HPD: variants seen among roughly 807,000 people sequenced by gnomAD.
HPD encodes the protein 4-hydroxyphenylpyruvate dioxygenase.
In HPD, 35 loss-of-function variants were observed where a neutral mutation model predicts 56.9. That is an observed-to-expected ratio of 0.62 (90% confidence interval 0.47 to 0.82). The LOEUF is 0.82. Ranked by LOEUF, HPD falls within the 40% of genes least tolerant of loss-of-function variation. The pLI is 0.00. For synonymous variants in HPD, 186 were observed against 200.2 expected (o/e 0.93, Z 0.60); for missense variants, 442 against 506.8 (o/e 0.87, Z 1.23).
the HPD span, among the ~76,000 whole-genome samples, chr12:121,877,417 G>A: frequency 2.6e-5 from 4 of 152,030 alleles, no homozygotes; most frequent in Admixed American, 6.6e-5. Context: ...AAACCTAAAT[G>A]TGCCAGGAGA....
the HPD span, among the ~76,000 whole-genome samples, chr12:121,875,369 G>A: frequency 2.6e-5 from 4 of 151,836 alleles, no homozygotes; most frequent in African/African-American, 9.7e-5. Flanking sequence ...ATTCTGTGGT[G>A]TAGATACTCT....
upstream of HPD, among the ~76,000 whole-genome samples, chr12:121,862,927 G>A (rs1364740852): frequency 6.7e-6 from 1 of 148,682 alleles, no homozygotes; most frequent in South Asian, 2.1e-4. Flanking sequence ...TGATTCGCTC[G>A]CCTTGGCCTC....
At chr12:121,858,957 C>T (rs560386434), upstream of HPD, 7 of 1,023,726 alleles carry the variant, frequency 6.8e-6, no homozygotes, top group South Asian at 9.2e-5. Flanking sequence ...GAGCCCAGCC[C>T]TGGAAGGTTC....
the HPD span, among the ~76,000 whole-genome samples, chr12:121,885,555 A>G: frequency 1.3e-5 from 2 of 152,006 alleles, no homozygotes; most frequent in Non-Finnish European, 2.9e-5. Context: ...CTTAACCCTA[A>G]ATACTACAGG....
At chr12:121,878,268 T>C in the HPD span, among the ~76,000 whole-genome samples, 4 of 152,210 alleles carry the variant, frequency 2.6e-5, no homozygotes, top group Non-Finnish European at 5.9e-5. Flanking sequence ...TGAGTATACA[T>C]GGAGAAGTGC....
the HPD span, chr12:121,874,441 A>AC: frequency 6.6e-6 from 1 of 151,842 alleles, no homozygotes; most frequent in Non-Finnish European, 1.5e-5. Context: ...ACATGGTGAA[A>AC]CCCCCATCTC....
At chr12:121,875,351 T>C in the HPD span, among the ~76,000 whole-genome samples, 17 of 152,186 alleles carry the variant, frequency 1.1e-4, no homozygotes, top group Non-Finnish European at 2.1e-4. Context: ...GTTTGTAGCA[T>C]TTCCTGAATT....
Position 121,858,671 on chromosome 12 carries a change from C to G in HPD, c.30+16G>C. On this transcript the variant is annotated intron_variant, in intron 2 of 13. Coordinates refer to ENST00000289004, the MANE Select transcript of HPD (RefSeq NM_002150.3). Reference sequence around the variant, plus strand: ...TAGACTCAGGCCCCTACATTTCCCACATTTCGCCTGCTTACCTTTGCCCCT... The same window carrying G: ...TAGACTCAGGCCCCTACATTTCCCAGATTTCGCCTGCTTACCTTTGCCCCT... The G allele has an allele frequency of 1.2e-6, 2 of 1,613,766 alleles. No homozygotes were observed. Among genetic ancestry groups the G allele is most frequent in the Non-Finnish European group, 1.7e-6 (2 of 1,179,620 alleles).
At chr12:121,854,131 T>C (rs948442202) in intron 7 of HPD, among the ~76,000 whole-genome samples, 7 of 151,278 alleles carry the variant, frequency 4.6e-5, no homozygotes, top group Non-Finnish European at 1.0e-4. Flanking sequence ...TGGCACGCAC[T>C]TGTGGTCCCA....
chr12:121,887,587 G>A, the HPD span, among the ~76,000 whole-genome samples: 568 of 152,154 alleles, frequency 3.7e-3, 4 homozygotes, highest in African/African-American at 0.013. Flanking sequence ...GGCGAGGCTA[G>A]TCTCAAACTC....
At position 121,856,311 on chromosome 12, in the gene HPD, G is replaced by C; in HGVS notation, c.324+13C>G. 6.2e-7 allele frequency: 1 copy of C among 1,609,204 alleles called. No individual in the cohort carries two copies. The highest frequency in any genetic ancestry group is 8.5e-7 in the Non-Finnish European group (1 of 1,175,506). On this transcript the variant is annotated intron_variant, in intron 6 of 13. Coordinates refer to ENST00000289004, the MANE Select transcript of HPD (RefSeq NM_002150.3). Reference sequence around the variant, plus strand: ...AGGCCTTCCTCTCTCAGTCCACCCAGGTGCTTTCTTACCTGCACGATGTAG... The same window carrying C: ...AGGCCTTCCTCTCTCAGTCCACCCACGTGCTTTCTTACCTGCACGATGTAG...
At chr12:121,875,148 G>T in the HPD span, among the ~76,000 whole-genome samples, 1 of 152,176 alleles carries the variant, frequency 6.6e-6, no homozygotes, top group Non-Finnish European at 1.5e-5. Context: ...TGGGCTATCA[G>T]GCCTCTGCTG....
the HPD span, among the ~76,000 whole-genome samples, chr12:121,878,397 G>A: frequency 2.0e-5 from 3 of 152,262 alleles, no homozygotes; most frequent in East Asian, 5.8e-4. Context: ...CGCCCAGGCT[G>A]GGGTATAGTG....
chr12:121,855,368 G>C (rs1877953846), intron 6 of HPD, among the ~76,000 whole-genome samples: 1 of 152,196 alleles, frequency 6.6e-6, no homozygotes, highest in Admixed American at 6.6e-5. Context: ...CGCACACTCT[G>C]AATCTGTAGG....
At chr12:121,854,597 G>A in intron 7 of HPD, 106 bp downstream of exon 7, 1 of 837,570 alleles carries the variant, frequency 1.2e-6, no homozygotes. Flanking sequence ...CAATGTCTGT[G>A]CTCCAAGGCC....
At position 121,840,059 on chromosome 12, in the gene HPD, G is replaced by A. The variant is rs1305200927; in HGVS notation, c.955-11C>T. 3 of 1,569,454 alleles carry A rather than the reference G, an allele frequency of 1.9e-6. No homozygotes were observed. Among genetic ancestry groups the A allele is most frequent in the East Asian group, 4.5e-5 (2 of 44,688 alleles). On this transcript the variant is annotated splice_polypyrimidine_tract_variant and intron_variant, in intron 12 of 13. Transcript: ENST00000289004. ...CAGGATTTTCAGCTCCTAGGCGGGA[G>A]ACAGGGGGCTCTGCTAGGGGAGGCT...
At chr12:121,865,485 G>T (rs940507343), upstream of HPD, among the ~76,000 whole-genome samples, 3 of 149,662 alleles carry the variant, frequency 2.0e-5, no homozygotes, top group Non-Finnish European at 3.0e-5. Context: ...GGCCAGGCTG[G>T]TCTCACACCC....
At chr12:121,862,909 T>C (rs1473861446), upstream of HPD, among the ~76,000 whole-genome samples, 2 of 150,534 alleles carry the variant, frequency 1.3e-5, no homozygotes, top group East Asian at 4.0e-4. Flanking sequence ...CTCAATCTCC[T>C]GACCTCGTGA....
chr12:121,860,756 C>G (rs1210860420), upstream of HPD, among the ~76,000 whole-genome samples: 2 of 152,190 alleles, frequency 1.3e-5, no homozygotes. Context: ...AAGCATTCAC[C>G]TAGCTGGGCC....
Sources: allele counts gnomAD v4.1 joint callset (sites outside exome capture counted in the v4.1 genomes callset), GRCh38; gene constraint gnomAD v4.1.1; transcripts MANE v1.5; gene names NCBI Gene and HGNC (gene_info 2026-07-23, HGNC 2026-07-21).